Variants in LEO1 observed in about 807,000 individuals in gnomAD.
The protein encoded by LEO1 is RNA polymerase-associated protein LEO1.
A neutral mutation model predicts 80.4 loss-of-function variants in LEO1; 34 were observed. That is an observed-to-expected ratio of 0.42 (90% CI 0.32 to 0.56). The LOEUF (loss-of-function observed/expected upper bound fraction) is 0.56. Ranked by LOEUF, LEO1 falls within the 20% of genes least tolerant of loss-of-function variation. LEO1 has a pLI of 0.10. For missense variants in LEO1, 631 were observed against 814.2 expected (o/e 0.77, Z 2.74); for synonymous variants, 262 against 274.9 (o/e 0.95, Z 0.46).
At chr15:51,962,262 G>C (rs546582346) in intron 3 of LEO1, 127 bp downstream of exon 3, 67 of 564,696 alleles carry the variant, frequency 1.2e-4, no homozygotes, top group African/African-American at 1.1e-3. Flanking sequence ...AGTACACTGA[G>C]CGTATCCACA....
chr15:51,940,654 T>TA (rs1430399313), intron 11 of LEO1, among the ~76,000 whole-genome samples: 1 of 151,520 alleles, frequency 6.6e-6, no homozygotes, highest in African/African-American at 2.4e-5. Flanking sequence ...CAGTGGCTCA[T>TA]ACCTGTAAAC....
intron 11 of LEO1, among the ~76,000 whole-genome samples, chr15:51,944,669 A>G (rs1433269675): frequency 6.6e-6 from 1 of 152,228 alleles, no homozygotes; most frequent in Admixed American, 6.5e-5. Context: ...GAAATGGTCA[A>G]CAGTCTGTTT....
In LEO1 at chr15:51,966,142, C is replaced by T. The variant is rs2141780227; in HGVS notation, c.421G>A (p.Asp141Asn). 1 of 1,614,004 alleles carries T rather than the reference C, an allele frequency of 6.2e-7. No individual in the cohort carries two copies. Among genetic ancestry groups the T allele is most frequent in the South Asian group, 1.1e-5 (1 of 91,076 alleles). The change falls in exon 2 of 12, where the codon GAT becomes AAT. Residue 141 changes from aspartate to asparagine, a missense_variant. By Grantham distance (23) the Asp-to-Asn change is conservative. This residue lies in a region of LEO1 where 394 missense variants were observed against 395.6 expected (regional missense o/e 1.00). Coordinates refer to ENST00000299601, the MANE Select transcript of LEO1 (RefSeq NM_138792.4). ...TCTTCTCTGCCCCATTTTTCATCATCTGAATGTGCTTTTTCAGAACCTTCT... is the reference window on the plus strand; with the variant it reads ...TCTTCTCTGCCCCATTTTTCATCATTTGAATGTGCTTTTTCAGAACCTTCT... ...EAEGSEKAHS[D>N]DEKWGREDKS...
intron 1 of LEO1, among the ~76,000 whole-genome samples, chr15:51,970,563 G>A (rs558364296): frequency 4.6e-4 from 70 of 152,302 alleles, no homozygotes; most frequent in Non-Finnish European, 8.1e-4. Flanking sequence ...ATGCCTTGAA[G>A]ACATTATGCT....
At position 51,942,096 on chromosome 15, in the gene LEO1, C is replaced by G. The variant is rs139547837; in HGVS notation, c.1897-3836G>C. Among the ~76,000 whole-genome samples the G allele has an allele frequency of 5.6e-3, 853 of 152,302 alleles. 9 individuals carry two copies. Among genetic ancestry groups the G allele is most frequent in the African/African-American group, 0.02 (825 of 41,558 alleles). On this transcript the variant is annotated intron_variant, in intron 11 of 11. Coordinates refer to ENST00000299601, the MANE Select transcript of LEO1 (RefSeq NM_138792.4). The stretch of plus-strand genomic sequence containing the variant: ...CCTAGGCTCCTGGTGTTTGAGTGGG[C>G]TTTAGTGTGCAAAGCACAGAGAGGG...
intron 3 of LEO1, among the ~76,000 whole-genome samples, chr15:51,961,096 T>C (rs2057026520): frequency 6.6e-6 from 1 of 152,132 alleles, no homozygotes; most frequent in Admixed American, 6.6e-5. Context: ...AGATTCAAAA[T>C]TACAGTCCAG....
At chr15:51,947,416 T>C in intron 10 of LEO1, 27 bp from the exon 11 acceptor site, 1 of 1,512,544 alleles carries the variant, frequency 6.6e-7, no homozygotes, top group Non-Finnish European at 9.1e-7. Flanking sequence ...AGATTGTGAG[T>C]CACCTTTTTT....
intron 7 of LEO1, among the ~76,000 whole-genome samples, chr15:51,953,587 T>C (rs2056965522): frequency 6.6e-6 from 1 of 151,304 alleles, no homozygotes; most frequent in Non-Finnish European, 1.5e-5. Flanking sequence ...GCCACTGCAC[T>C]CCAGCCTGGG....
chr15:51,938,186 G>T lies in LEO1; in HGVS notation c.1971C>A (p.Ile657=). ...KANKKHKKYV[I]SDEEEEDDD ...CATCATCTTCTTCCTCTTCATCGCT[G>T]ATCACATACTTCTTATGCTTTTTAT... Residue 657 remains isoleucine (I), a synonymous_variant, in exon 12 of 12, where the codon ATC becomes ATA. Coordinates refer to ENST00000299601, the MANE Select transcript of LEO1 (RefSeq NM_138792.4). The T allele has an allele frequency of 6.2e-7, 1 of 1,605,254 alleles. No homozygotes were observed.
intron 9 of LEO1, among the ~76,000 whole-genome samples, chr15:51,951,038 C>T (rs896817920): frequency 6.6e-6 from 1 of 152,206 alleles, no homozygotes; most frequent in African/African-American, 2.4e-5. Context: ...TGAACAAATA[C>T]AGGATGGAGG....
intron 11 of LEO1, among the ~76,000 whole-genome samples, chr15:51,939,832 C>T (rs972357967): frequency 1.3e-5 from 2 of 152,182 alleles, no homozygotes; most frequent in African/African-American, 4.8e-5. Context: ...AAAGATGGTA[C>T]AGCCTGTCCT....
intron 6 of LEO1, among the ~76,000 whole-genome samples, chr15:51,957,274 T>C (rs1209247713): frequency 6.6e-6 from 1 of 152,202 alleles, no homozygotes; most frequent in Admixed American, 6.5e-5. Context: ...AAGGAACTAC[T>C]ATATTAGTTT....
At position 51,966,426 on chromosome 15, in the gene LEO1, T is replaced by C; in HGVS notation, c.137A>G (p.Asp46Gly). The C allele has an allele frequency of 1.2e-5, 19 of 1,614,150 alleles. No homozygotes were observed. The highest frequency in any genetic ancestry group is 1.6e-5 in the Non-Finnish European group (19 of 1,179,998). The change falls in exon 2 of 12, where the codon GAT (aspartate) becomes GGT (glycine). Residue 46 changes from aspartate (D) to glycine (G), a missense_variant. Physicochemically the swap from Asp to Gly is moderately conservative, Grantham distance 94. Around this residue, in one of 4 missense-constraint regions of LEO1, gnomAD observed 394 missense variants for 395.6 expected, o/e 1.00. Transcript: ENST00000299601. ...SGSNASGSES[D>G]QDERGDSGQP... Reference sequence around the variant, plus strand: ...TCCTGAATCACCTCTTTCATCCTGATCACTTTCACTTCCAGAGGCATTACT... The same window carrying C: ...TCCTGAATCACCTCTTTCATCCTGACCACTTTCACTTCCAGAGGCATTACT...
chr15:51,966,390 T>G lies in LEO1; in HGVS notation c.173A>C (p.Asn58Thr). The G allele has an allele frequency of 6.2e-7, 1 of 1,614,166 alleles. No individual in the cohort carries two copies. Among genetic ancestry groups the G allele is most frequent in the Non-Finnish European group, 8.5e-7 (1 of 1,179,976 alleles). The change falls in exon 2 of 12, where the codon AAT becomes ACT. Residue 58 changes from asparagine (N) to threonine (T), a missense_variant. This residue lies in a region of LEO1 where 394 missense variants were observed against 395.6 expected (regional missense o/e 1.00). Transcript: ENST00000299601. ...DERGDSGQPS[N>T]KELFGDDSED... Reference sequence around the variant, plus strand: ...ACTGTCATCTCCAAACAGTTCCTTATTACTTGGTTGTCCTGAATCACCTCT... The same window carrying G: ...ACTGTCATCTCCAAACAGTTCCTTAGTACTTGGTTGTCCTGAATCACCTCT...
intron 3 of LEO1, among the ~76,000 whole-genome samples, chr15:51,961,173 A>G (rs955975915): frequency 2.6e-5 from 4 of 152,262 alleles, no homozygotes; most frequent in African/African-American, 4.8e-5. Context: ...ACTTAAGGTC[A>G]GGAGTTTGAC....
intron 10 of LEO1, among the ~76,000 whole-genome samples, 184 bp from the exon 11 acceptor site, chr15:51,947,573 C>T (rs1051052309): frequency 1.3e-5 from 2 of 152,054 alleles, no homozygotes; most frequent in Non-Finnish European, 2.9e-5. Flanking sequence ...GCACTACCTA[C>T]CCATGCCCAG....
chr15:51,943,105 C>T lies in LEO1; in HGVS notation c.1896+4187G>A, dbSNP rs757203615. Reference sequence around the variant, plus strand: ...CTCTGTGTATAAAAAATAGACTGGGCGTGGTGGTTCACACCTGTAATCCCA... The same window carrying T: ...CTCTGTGTATAAAAAATAGACTGGGTGTGGTGGTTCACACCTGTAATCCCA... On this transcript the variant is annotated intron_variant, in intron 11 of 11. Transcript: ENST00000299601. Among the ~76,000 whole-genome samples the T allele has an allele frequency of 1.1e-4, 17 of 151,928 alleles. 1 individual carries two copies. In the East Asian group the frequency reaches 3.1e-3, roughly 28 times the overall value.
At chr15:51,954,319 C>A (rs1339848639) in intron 7 of LEO1, among the ~76,000 whole-genome samples, 162 bp downstream of exon 7, 1 of 151,934 alleles carries the variant, frequency 6.6e-6, no homozygotes, top group African/African-American at 2.4e-5. Context: ...GAGTCTGAGG[C>A]TCCACTGAGC....
intron 8 of LEO1, 91 bp downstream of exon 8, chr15:51,953,038 G>T: frequency 9.6e-7 from 1 of 1,036,542 alleles, no homozygotes; most frequent in Non-Finnish European, 1.4e-6. Flanking sequence ...ATACCGTGGG[G>T]TTACATCAAT....
Sources: allele counts gnomAD v4.1 joint callset (sites outside exome capture counted in the v4.1 genomes callset), GRCh38; gene constraint gnomAD v4.1.1; regional missense constraint gnomAD v4.1.1; transcripts MANE v1.5; gene names NCBI Gene and HGNC (gene_info 2026-07-23, HGNC 2026-07-21).